Variants in AHRR observed in about 807,000 individuals in gnomAD.
AHRR encodes aryl hydrocarbon receptor repressor, also known as ahR repressor.
AHRR carries 28 observed loss-of-function variants against 44.0 expected under a neutral mutation model. That is an observed-to-expected ratio of 0.64 (90% CI 0.47 to 0.87). AHRR has a LOEUF of 0.87. Ranked by LOEUF, AHRR falls within the 40% of genes least tolerant of loss-of-function variation. The pLI, the probability that AHRR is intolerant of heterozygous loss-of-function variation, is 0.00. For synonymous variants in AHRR, 434 were observed against 407.0 expected (o/e 1.07, Z -0.80); for missense variants, 990 against 953.9 (o/e 1.04, Z -0.50).
At chr5:333,603 A>T (rs1380809017) in intron 1 of AHRR, among the ~76,000 whole-genome samples, 1 of 152,302 alleles carries the variant, frequency 6.6e-6, no homozygotes, top group Non-Finnish European at 1.5e-5. Context: ...CTCAAAAAAA[A>T]CAAAACAAAA....
chr5:418,244 G>C (rs115804904), intron 5 of AHRR, among the ~76,000 whole-genome samples: 2 of 152,142 alleles, frequency 1.3e-5, no homozygotes, highest in Admixed American at 1.3e-4. Flanking sequence ...GTTTTTGTAC[G>C]GTTTGGATAA....
chr5:367,948 A>G, intron 3 of AHRR: 1 of 702,594 alleles, frequency 1.4e-6, no homozygotes, highest in African/African-American at 1.7e-5. Flanking sequence ...GTTGATGGTG[A>G]ATATTGCAGG....
intron 4 of AHRR, among the ~76,000 whole-genome samples, chr5:412,007 C>T (rs1243987952): frequency 1.3e-5 from 2 of 152,218 alleles, no homozygotes; most frequent in Non-Finnish European, 2.9e-5. Flanking sequence ...CGCATCCTCA[C>T]CGGTGATGGC....
rs1463496567 is a variant in AHRR, at chr5:405,181, G to C, written c.352-8163G>C. On this transcript the variant is annotated intron_variant, in intron 4 of 10. Coordinates refer to ENST00000684583, the MANE Select transcript of AHRR (RefSeq NM_001377236.1). This position sits in a 1 kb window ranked among gnomAD's most constrained non-coding sequence, Gnocchi z 4.5. ...TGAACAGCCCCGATGGGTCCAGGCA[G>C]ATTCACCAGACTTTCTGCTCACGAC... Among the ~76,000 whole-genome samples, 3 of 152,122 alleles carry C rather than the reference G, an allele frequency of 2.0e-5. No individual in the cohort carries two copies. The highest frequency in any genetic ancestry group is 7.2e-5 in the African/African-American group (3 of 41,418).
chr5:416,446 C>T (rs1480990912), intron 5 of AHRR, among the ~76,000 whole-genome samples: 7 of 152,230 alleles, frequency 4.6e-5, no homozygotes, highest in East Asian at 1.9e-4. Flanking sequence ...TCGCTCTAGG[C>T]GGCTGCTGTT....
At position 370,455 on chromosome 5, in the gene AHRR, G is replaced by A. The variant is rs1743536641; in HGVS notation, c.245-6155G>A. On this transcript the variant is annotated intron_variant, in intron 3 of 10. Coordinates refer to ENST00000684583, the MANE Select transcript of AHRR (RefSeq NM_001377236.1). This position sits in a 1 kb window ranked among gnomAD's most constrained non-coding sequence, Gnocchi z 4.5. ...GAGGTGTCGTAAGGGTCCCTCAGGA[G>A]GGAGCTTGAGCTGGAAGCAGGGGTG... Among the ~76,000 whole-genome samples, 1 of 152,152 alleles carries A rather than the reference G, an allele frequency of 6.6e-6. No homozygotes were observed. The highest frequency in any genetic ancestry group is 2.4e-5 in the African/African-American group (1 of 41,440).
In AHRR at chr5:418,489, C is replaced by T. The variant is rs182225929; in HGVS notation, c.442-4240C>T. On this transcript the variant is annotated intron_variant, in intron 5 of 10. Coordinates refer to ENST00000684583, the MANE Select transcript of AHRR (RefSeq NM_001377236.1). ...CTCCTGCACCCTCCTCCACATGTGC[C>T]ATCTGGCCTCGGTTCAGCAGCAGAC... is the stretch of plus-strand genomic sequence containing the variant. Among the ~76,000 whole-genome samples the T allele has an allele frequency of 1.4e-3, 214 of 152,322 alleles. 13 individuals carry two copies. The East Asian group carries it at 0.02, about 14-fold the overall frequency.
At chr5:390,278 G>A (rs892698813) in intron 4 of AHRR, among the ~76,000 whole-genome samples, 16 of 152,132 alleles carry the variant, frequency 1.1e-4, no homozygotes, top group African/African-American at 3.4e-4. Flanking sequence ...TGCATCACAC[G>A]CCTGCATCAA....
intron 3 of AHRR, among the ~76,000 whole-genome samples, chr5:367,175 G>A: frequency 6.6e-6 from 1 of 152,216 alleles, no homozygotes; most frequent in Non-Finnish European, 1.5e-5. Context: ...AGTCCCTGGG[G>A]GGTCGCCGCA....
At chr5:373,975 G>A (rs1353261767) in intron 3 of AHRR, among the ~76,000 whole-genome samples, 1 of 151,772 alleles carries the variant, frequency 6.6e-6, no homozygotes, top group Non-Finnish European at 1.5e-5. Context: ...ATGCCGGGAG[G>A]GGCGCGCCCC....
Position 387,263 on chromosome 5 carries a change from C to A in AHRR, c.351+10547C>A, listed in dbSNP as rs1306628741. ...CTCTCCTCTGCTTACGTCCCCCACC[C>A]TGCTGCCTCCTGGGGATGACTCCTG... On this transcript the variant is annotated intron_variant, in intron 4 of 10. Transcript: ENST00000684583. This position sits in a 1 kb window ranked among gnomAD's most constrained non-coding sequence, Gnocchi z 5.1. Among the ~76,000 whole-genome samples the A allele has an allele frequency of 6.6e-6, 1 of 152,250 alleles. No individual in the cohort carries two copies. Among genetic ancestry groups the A allele is most frequent in the African/African-American group, 2.4e-5 (1 of 41,464 alleles).
chr5:423,788 C>A, intron 6 of AHRR, 53 bp from the exon 7 acceptor site: 1 of 1,548,682 alleles, frequency 6.5e-7, no homozygotes, highest in South Asian at 1.2e-5. Context: ...GCGTGTGACA[C>A]GTGTGTTTTG....
At chr5:353,553 TGTG>T (rs1742933860) in intron 2 of AHRR, among the ~76,000 whole-genome samples, 174 bp from the exon 3 acceptor site, 1 of 152,162 alleles carries the variant, frequency 6.6e-6, no homozygotes, top group Non-Finnish European at 1.5e-5. Flanking sequence ...TGTTGTGCGC[TGTG>T]GTTTTTAGTG....
At chr5:331,671 C>T (rs2672735) in intron 1 of AHRR, among the ~76,000 whole-genome samples, 1,526 of 152,304 alleles carry the variant, frequency 0.01, 32 homozygotes, top group African/African-American at 0.035. Context: ...GGAACCAGGC[C>T]AAACAGCAGG....
At position 433,972 on chromosome 5, in the gene AHRR, G is replaced by A. The variant is rs748227240; in HGVS notation, c.1232G>A (p.Gly411Asp). The change falls in exon 11 of 11, where the codon GGT becomes GAT. Residue 411 changes from glycine (G) to aspartate (D), a missense_variant. Transcript: ENST00000684583. Reference protein sequence around the residue: ...PWTAGKHSEDGARPRLQPSKN... With the variant: ...PWTAGKHSEDDARPRLQPSKN... ...ACAGCGGGAAAGCACAGTGAGGATG[G>A]TGCCAGGCCGAGGCTGCAGCCCAGC... is the stretch of plus-strand genomic sequence containing the variant. 5 of 1,566,318 alleles carry A rather than the reference G, an allele frequency of 3.2e-6. No individual in the cohort carries two copies. The highest frequency in any genetic ancestry group is 4.3e-6 in the Non-Finnish European group (5 of 1,156,174).
intron 1 of AHRR, among the ~76,000 whole-genome samples, chr5:331,696 G>A (rs562594408): frequency 3.0e-4 from 46 of 152,298 alleles, no homozygotes; most frequent in Middle Eastern, 3.4e-3. Flanking sequence ...AGTGGTGGAC[G>A]GGTGAGCATT....
intron 2 of AHRR, among the ~76,000 whole-genome samples, chr5:346,887 A>G (rs970672779): frequency 1.3e-5 from 2 of 152,144 alleles, no homozygotes; most frequent in African/African-American, 4.8e-5. Flanking sequence ...CCGGGGTCTC[A>G]TGTCTTCTTC....
chr5:413,954 G>A (rs11954173), intron 5 of AHRR, among the ~76,000 whole-genome samples: 50,186 of 152,152 alleles, frequency 0.33, 8,961 homozygotes, highest in South Asian at 0.46. Context: ...CAACTCACCC[G>A]GGAAAAGGTG....
chr5:420,030 C>G (rs1168956670), intron 5 of AHRR, among the ~76,000 whole-genome samples: 1 of 152,222 alleles, frequency 6.6e-6, no homozygotes, highest in Non-Finnish European at 1.5e-5. Flanking sequence ...ATCCTTCAGC[C>G]TGGAGACCCT....
Sources: gnomAD v4.1 joint callset for allele counts (sites outside exome capture counted in the v4.1 genomes callset) on GRCh38, gnomAD v4.1.1 for gene constraint, Gnocchi (gnomAD v3.1) non-coding constraint, MANE v1.5 for transcripts, NCBI Gene and HGNC (gene_info 2026-07-23, HGNC 2026-07-21) for gene names.